The following IRAK1BP1 variants were observed in gnomAD, a reference collection of about 807,000 sequenced individuals.
The protein encoded by IRAK1BP1 is interleukin-1 receptor-associated kinase 1-binding protein 1.
In IRAK1BP1, 24 loss-of-function variants were observed where a neutral mutation model predicts 28.0. The observed-to-expected ratio is 0.86, with a 90% CI of 0.62 to 1.20. IRAK1BP1 has a LOEUF of 1.20. IRAK1BP1 is among the 50% of genes most tolerant of loss of function. IRAK1BP1 has a pLI of 0.00. For missense variants in IRAK1BP1, 336 were observed against 316.7 expected (o/e 1.06, Z -0.46); for synonymous variants, 131 against 116.3 (o/e 1.13, Z -0.81).
intron 1 of IRAK1BP1, among the ~76,000 whole-genome samples, chr6:78,868,817 A>G (rs866400245): frequency 1.3e-5 from 2 of 152,222 alleles, no homozygotes; most frequent in South Asian, 4.1e-4. Flanking sequence ...ATAGGGATCA[A>G]CGATTTCAGT....
chr6:78,883,738 A>C (rs1465260754), intron 1 of IRAK1BP1, among the ~76,000 whole-genome samples: 3 of 152,180 alleles, frequency 2.0e-5, no homozygotes, highest in Admixed American at 6.5e-5. Context: ...TATTAAATGT[A>C]AAATTCCAGA....
chr6:78,923,778 T>A (rs1206255757), intron 4 of IRAK1BP1, among the ~76,000 whole-genome samples: 1 of 151,988 alleles, frequency 6.6e-6, no homozygotes, highest in Non-Finnish European at 1.5e-5. Context: ...TCAAAACCAC[T>A]CAACTACATG....
At chr6:78,911,308 TC>T (rs1320682132) in intron 4 of IRAK1BP1, among the ~76,000 whole-genome samples, 1 of 152,152 alleles carries the variant, frequency 6.6e-6, no homozygotes, top group East Asian at 1.9e-4. Context: ...TTTTGGTGTC[TC>T]CTGATGGTCA....
In IRAK1BP1 at chr6:78,898,556, T is replaced by C. The variant is rs1335863111; in HGVS notation, c.*222T>C. The C allele has an allele frequency of 1.7e-4, 26 of 152,260 alleles. No individual in the cohort carries two copies. In the Admixed American group the frequency reaches 1.7e-3, roughly 10 times the overall value. 9.4% of individuals were successfully genotyped at this position (152,260 alleles called of 1,614,324 possible). A position where few individuals can be genotyped will look rare whatever the true frequency, so the allele number is the denominator to read the frequency against. ...TAAAAGACTACTCTGAAAAACACTC[T>C]TGGATAATAAATGTATTATGTGCAT... On this transcript the variant is annotated 3_prime_UTR_variant, in exon 4 of 4. Transcript: ENST00000369940.
intron 1 of IRAK1BP1, among the ~76,000 whole-genome samples, chr6:78,873,636 G>A (rs1770879258): frequency 6.6e-6 from 1 of 151,920 alleles, no homozygotes; most frequent in South Asian, 2.1e-4. Context: ...GCACCTCCAT[G>A]CCCAGCTAAT....
chr6:78,972,354 C>T, the IRAK1BP1 span, among the ~76,000 whole-genome samples: 4 of 152,192 alleles, frequency 2.6e-5, no homozygotes, highest in Non-Finnish European at 5.9e-5. Flanking sequence ...ACAGAAAGGA[C>T]ATCCACATCA....
At chr6:78,913,112 G>T (rs573780123) in intron 4 of IRAK1BP1, among the ~76,000 whole-genome samples, 1 of 152,168 alleles carries the variant, frequency 6.6e-6, no homozygotes, top group South Asian at 2.1e-4. Flanking sequence ...AAAGCAGGCG[G>T]ATCATTAGGT....
chr6:78,872,631 A>G (rs1013965384), intron 1 of IRAK1BP1, among the ~76,000 whole-genome samples: 1 of 152,220 alleles, frequency 6.6e-6, no homozygotes, highest in Non-Finnish European at 1.5e-5. Context: ...TTGGCACTCA[A>G]AAAGTTTAAG....
Position 78,897,945 on chromosome 6 carries a change from T to C in IRAK1BP1, c.498T>C (p.Ser166=). Residue 166 remains serine (S), a synonymous_variant, in exon 3 of 4, where the codon TCT becomes TCC. Coordinates refer to ENST00000369940, the MANE Select transcript of IRAK1BP1 (RefSeq NM_001010844.4). ...CCCAGTTCTATCATACTCCAGGTTCTGTTGAGAATCTTCGGTAAGTTTAAG... is the reference window on the plus strand; with the variant it reads ...CCCAGTTCTATCATACTCCAGGTTCCGTTGAGAATCTTCGGTAAGTTTAAG... ...SPPQFYHTPG[S]VENLRRQACL... 1 of 1,614,002 alleles carries C rather than the reference T, an allele frequency of 6.2e-7. No homozygotes were observed. The highest frequency in any genetic ancestry group is 2.2e-5 in the East Asian group (1 of 44,872).
At chr6:78,973,783 C>T in the IRAK1BP1 span, among the ~76,000 whole-genome samples, 1 of 151,794 alleles carries the variant, frequency 6.6e-6, no homozygotes, top group Non-Finnish European at 1.5e-5. Context: ...CAAAGAAGGC[C>T]ATTACATAAT....
chr6:78,879,361 TAAAA>T lies in IRAK1BP1; in HGVS notation c.316-6013_316-6010del, dbSNP rs553680725. Among the ~76,000 whole-genome samples, 745 of 152,200 alleles carry T rather than the reference TAAAA, an allele frequency of 4.9e-3. 11 individuals are homozygous for T. Among genetic ancestry groups the T allele is most frequent in the African/African-American group, 0.017 (705 of 41,534 alleles). ...ACTTAAAGTATAATAATAAAAATTT[TAAAA>T]AAATAAAAAAATCACTGGGCTAAAG... On this transcript the variant is annotated intron_variant, in intron 1 of 3. Transcript: ENST00000369940.
At position 78,898,018 on chromosome 6, in the gene IRAK1BP1, A is replaced by G. The variant is rs1179171893; in HGVS notation, c.513-46A>G. ...TTTAAACAAAACTATCCAGTGCTAC[A>G]TTTCATTGAGTGTCATATTAATAAT... On this transcript the variant is annotated intron_variant, in intron 3 of 3. Coordinates refer to ENST00000369940, the MANE Select transcript of IRAK1BP1 (RefSeq NM_001010844.4). 10 of 1,606,140 alleles carry G rather than the reference A, an allele frequency of 6.2e-6. 1 individual carries two copies. In the African/African-American group the frequency reaches 1.2e-4, roughly 19 times the overall value.
At chr6:78,957,344 T>C in the IRAK1BP1 span, 7 of 151,920 alleles carry the variant, frequency 4.6e-5, no homozygotes, top group Non-Finnish European at 8.8e-5. Flanking sequence ...AGGATAATGC[T>C]TAATTACTAA....
chr6:78,888,256 C>A (rs189485649), intron 2 of IRAK1BP1, among the ~76,000 whole-genome samples: 3 of 152,084 alleles, frequency 2.0e-5, no homozygotes, highest in Non-Finnish European at 4.4e-5. Flanking sequence ...CAGATGAATT[C>A]TAGATATGGG....
chr6:78,929,315 A>T (rs548871002), intron 4 of IRAK1BP1, among the ~76,000 whole-genome samples: 1 of 152,314 alleles, frequency 6.6e-6, no homozygotes, highest in African/African-American at 2.4e-5. Flanking sequence ...GGTGGGTTGG[A>T]TAAATAAAAT....
At chr6:78,903,649 A>T (rs1006686401), downstream of IRAK1BP1, among the ~76,000 whole-genome samples, 13 of 151,518 alleles carry the variant, frequency 8.6e-5, no homozygotes, top group Non-Finnish European at 1.9e-4. Flanking sequence ...TAAGTTACTG[A>T]TCCCTGAATT....
chr6:78,964,736 C>A, the IRAK1BP1 span, among the ~76,000 whole-genome samples: 1 of 152,262 alleles, frequency 6.6e-6, no homozygotes, highest in African/African-American at 2.4e-5. Flanking sequence ...CGTGATCCAC[C>A]TGCCTCAGCC....
chr6:78,943,408 A>ATC (rs1221832342), intron 4 of IRAK1BP1, among the ~76,000 whole-genome samples: 2 of 152,176 alleles, frequency 1.3e-5, no homozygotes, highest in Non-Finnish European at 2.9e-5. Flanking sequence ...CATCATATAT[A>ATC]TTTGATTTCT....
intron 4 of IRAK1BP1, among the ~76,000 whole-genome samples, chr6:78,925,261 G>T (rs1200377553): frequency 6.6e-6 from 1 of 151,946 alleles, no homozygotes; most frequent in African/African-American, 2.4e-5. Flanking sequence ...CATGGCACAT[G>T]TATACATATG....
Sources: allele counts gnomAD v4.1 joint callset (sites outside exome capture counted in the v4.1 genomes callset), GRCh38; gene constraint gnomAD v4.1.1; transcripts MANE v1.5; gene names NCBI Gene and HGNC (gene_info 2026-07-23, HGNC 2026-07-21).